The following AFG2A variants were observed in gnomAD, a reference collection of about 807,000 sequenced individuals.
AFG2A encodes the protein AAA ATPase AFG2A, also known as ATPase family gene 2 protein homolog A.
the AFG2A span, among the ~76,000 whole-genome samples, chr4:123,186,486 T>C: frequency 0.6 from 91,670 of 152,018 alleles, 28,782 homozygotes; most frequent in Non-Finnish European, 0.68. Context: ...GTTGGTGACA[T>C]GTTGAAGCTG....
the AFG2A span, among the ~76,000 whole-genome samples, chr4:123,026,346 CT>C: frequency 4.6e-5 from 7 of 152,018 alleles, no homozygotes; most frequent in African/African-American, 1.7e-4. Context: ...AAATTGGTTT[CT>C]TTTAACAAAA....
the AFG2A span, among the ~76,000 whole-genome samples, chr4:123,279,603 C>A: frequency 6.6e-6 from 1 of 152,146 alleles, no homozygotes; most frequent in African/African-American, 2.4e-5. Flanking sequence ...AATAATAGTA[C>A]TTTCTTCCTA....
At chr4:122,996,523 G>A in the AFG2A span, among the ~76,000 whole-genome samples, 6 of 151,954 alleles carry the variant, frequency 3.9e-5, no homozygotes, top group African/African-American at 1.5e-4. Flanking sequence ...ATGGATGGAT[G>A]GGTAGGTAGG....
the AFG2A span, among the ~76,000 whole-genome samples, chr4:123,236,253 G>A: frequency 2.6e-5 from 4 of 152,162 alleles, no homozygotes; most frequent in Non-Finnish European, 5.9e-5. Flanking sequence ...GGATGTGAAA[G>A]GGATGTAGCT....
the AFG2A span, among the ~76,000 whole-genome samples, chr4:122,943,117 C>T: frequency 2.0e-5 from 3 of 152,198 alleles, no homozygotes; most frequent in East Asian, 3.9e-4. Flanking sequence ...TTCTGTTGAT[C>T]TGGGGTGGAG....
the AFG2A span, among the ~76,000 whole-genome samples, chr4:123,174,160 T>C: frequency 6.6e-6 from 1 of 152,248 alleles, no homozygotes; most frequent in African/African-American, 2.4e-5. Flanking sequence ...AGCTATATAC[T>C]TTGAGTATAC....
chr4:123,185,673 GT>G, the AFG2A span, among the ~76,000 whole-genome samples: 1 of 152,042 alleles, frequency 6.6e-6, no homozygotes, highest in African/African-American at 2.4e-5. Context: ...TGATAGATAT[GT>G]TTTTTTCTTA....
At chr4:123,204,346 C>A in the AFG2A span, among the ~76,000 whole-genome samples, 1 of 152,170 alleles carries the variant, frequency 6.6e-6, no homozygotes, top group Non-Finnish European at 1.5e-5. Flanking sequence ...ATATTCCCAC[C>A]AGTAATGAAT....
chr4:123,305,244 G>T, the AFG2A span, among the ~76,000 whole-genome samples: 1 of 152,066 alleles, frequency 6.6e-6, no homozygotes, highest in Admixed American at 6.6e-5. Flanking sequence ...TGAGGATATC[G>T]ATAATCTCTG....
chr4:123,077,890 T>C, the AFG2A span, among the ~76,000 whole-genome samples: 1 of 152,162 alleles, frequency 6.6e-6, no homozygotes, highest in Non-Finnish European at 1.5e-5. Flanking sequence ...TTCCAGAACA[T>C]TTCCATCACC....
At chr4:122,979,361 G>A in the AFG2A span, 1 of 1,614,070 alleles carries the variant, frequency 6.2e-7, no homozygotes, top group East Asian at 2.2e-5. Flanking sequence ...AGTGCCATGA[G>A]GGAAATAGCA....
the AFG2A span, among the ~76,000 whole-genome samples, chr4:123,306,312 G>T: frequency 6.6e-6 from 1 of 151,888 alleles, no homozygotes; most frequent in South Asian, 2.1e-4. Context: ...TCAGATATTC[G>T]ATCGTCAGAT....
the AFG2A span, among the ~76,000 whole-genome samples, chr4:122,985,684 T>C: frequency 1.6e-4 from 25 of 152,268 alleles, no homozygotes; most frequent in African/African-American, 6.0e-4. Context: ...CTTTTCTTGG[T>C]TAATCTTTCT....
chr4:123,092,624 G>A, the AFG2A span, among the ~76,000 whole-genome samples: 1 of 152,106 alleles, frequency 6.6e-6, no homozygotes, highest in East Asian at 1.9e-4. Context: ...TTAGAATGTG[G>A]GCACAGCATG....
chr4:123,271,590 C>T, the AFG2A span, among the ~76,000 whole-genome samples: 1 of 152,122 alleles, frequency 6.6e-6, no homozygotes, highest in Non-Finnish European at 1.5e-5. Context: ...TGCCTGCCAG[C>T]CCCATTTTAT....
At chr4:123,036,922 C>T in the AFG2A span, among the ~76,000 whole-genome samples, 8 of 152,050 alleles carry the variant, frequency 5.3e-5, no homozygotes, top group African/African-American at 1.7e-4. Context: ...TCTGTATGTG[C>T]TGATACTGTA....
chr4:123,101,007 A>G, the AFG2A span, among the ~76,000 whole-genome samples: 8 of 151,982 alleles, frequency 5.3e-5, no homozygotes, highest in Admixed American at 4.6e-4. Context: ...TCATCTTATT[A>G]GATTTGATTA....
At chr4:123,303,340 G>A in the AFG2A span, among the ~76,000 whole-genome samples, 1 of 152,046 alleles carries the variant, frequency 6.6e-6, no homozygotes, top group African/African-American at 2.4e-5. Context: ...GGGCAACATT[G>A]CAAGACCCCG....
At chr4:123,246,784 C>T in the AFG2A span, among the ~76,000 whole-genome samples, 2 of 152,270 alleles carry the variant, frequency 1.3e-5, no homozygotes, top group Middle Eastern at 3.4e-3. Flanking sequence ...TAAACCTTTT[C>T]GCCTCCCAGG....
Sources: allele counts gnomAD v4.1 joint callset (sites outside exome capture counted in the v4.1 genomes callset), GRCh38; gene constraint gnomAD v4.1.1; transcripts MANE v1.5; gene names NCBI Gene and HGNC (gene_info 2026-07-23, HGNC 2026-07-21).